The following ZNF544 variants were observed in gnomAD, a reference collection of about 807,000 sequenced individuals.
ZNF544 encodes zinc finger protein AF020591.
Under a neutral mutation model 13.5 loss-of-function variants are expected in ZNF544, and 10 were observed. The observed-to-expected ratio is 0.74, with a 90% CI of 0.46 to 1.25. The LOEUF (loss-of-function observed/expected upper bound fraction) is 1.25. Ranked by LOEUF, ZNF544 falls within the 50% of genes most tolerant of loss-of-function variation. The pLI is 0.00. For synonymous variants in ZNF544, 323 were observed against 300.5 expected, an observed-to-expected ratio of 1.07 and a Z score of -0.77; for missense variants, 896 against 845.6, an observed-to-expected ratio of 1.06 and a Z score of -0.74.
intron 6 of ZNF544, chr19:58,259,632 A>G (rs902567111): frequency 1.3e-5 from 2 of 152,262 alleles, no homozygotes; most frequent in African/African-American, 4.8e-5. Context: ...GTCTTCAGAT[A>G]TCTTCTGCTG....
intron 6 of ZNF544, among the ~76,000 whole-genome samples, chr19:58,250,778 G>GT (rs974813084): frequency 7.9e-5 from 12 of 152,146 alleles, no homozygotes; most frequent in Admixed American, 2.6e-4. Flanking sequence ...CGTAGTTCAT[G>GT]TTTTTTTCCC....
In ZNF544 at chr19:58,253,108, G is replaced by A. The variant is rs546507529; in HGVS notation, c.244+6314G>A. On this transcript the variant is annotated intron_variant, in intron 6 of 6. Transcript: ENST00000687789. ...GCTGGGATTATAGGCGTGAGCCACC[G>A]CACCCAACCCATAATCCTTTCTTAA... Among the ~76,000 whole-genome samples, 13 of 152,136 alleles carry A rather than the reference G, an allele frequency of 8.5e-5. No homozygotes were observed. In the South Asian group the frequency reaches 1.2e-3, roughly 15 times the overall value.
In ZNF544 at chr19:58,261,694, T is replaced by C. The variant is rs896526045; in HGVS notation, c.1088T>C (p.Phe363Ser). 8 of 1,614,122 alleles carry C rather than the reference T, an allele frequency of 5.0e-6. No individual in the cohort carries two copies. The highest frequency in any genetic ancestry group is 6.8e-6 in the Non-Finnish European group (8 of 1,180,060). The stretch of plus-strand genomic sequence containing the variant: ...GTGTGTAATCAGTGTGGAAAATCTT[T>C]CAGCTGTTGTAAGCTCATACACCAG... ...PSVCNQCGKSFSCCKLIHQRT... is the reference protein window; with the variant it reads ...PSVCNQCGKSSSCCKLIHQRT... Residue 363 changes from phenylalanine (F) to serine (S), a missense_variant, in exon 7 of 7, where the codon TTC (phenylalanine) becomes TCC (serine). Transcript: ENST00000687789.
chr19:58,243,598 G>A (rs977260451), intron 3 of ZNF544, among the ~76,000 whole-genome samples: 4 of 151,920 alleles, frequency 2.6e-5, no homozygotes, highest in Admixed American at 2.0e-4. Flanking sequence ...CATCCTCCTT[G>A]TCCCCACACC....
rs538044323 is a variant in ZNF544 at position 58,262,865 on chromosome 19, T to C, written c.*111T>C. ...AGTGTGACGTGTATTAAGCCAGCGG[T>C]TGTGACTCATTGAACATCAGAGGAC... is the stretch of plus-strand genomic sequence containing the variant. On this transcript the variant is annotated 3_prime_UTR_variant, in exon 7 of 7. Transcript: ENST00000687789. The C allele has an allele frequency of 3.8e-4, 577 of 1,502,352 alleles. 1 individual carries two copies. The highest frequency in any genetic ancestry group is 4.3e-4 in the Non-Finnish European group (484 of 1,130,794). The allele number at this position is 1,502,352 out of a possible 1,614,324, so 93.1% of individuals were successfully genotyped here.
intron 5 of ZNF544, among the ~76,000 whole-genome samples, chr19:58,269,419 A>C (rs555232718): frequency 6.7e-6 from 1 of 150,180 alleles, no homozygotes; most frequent in South Asian, 2.1e-4. Context: ...TTGGGCGACA[A>C]AGCGAGACTC....
chr19:58,236,411 C>T lies in ZNF544; in HGVS notation c.-60+5949C>T, dbSNP rs1019338960. 5.3e-5 allele frequency among the ~76,000 whole-genome samples: 8 copies of T among 150,514 alleles called. No homozygotes were observed. The East Asian group carries it at 1.2e-3, about 23-fold the overall frequency. ...TACTCGGAGGCTGAGGCAGGAGAATCGCTTGAACCCTGGAGGCGGAGGTTG... is the reference window on the plus strand; with the variant it reads ...TACTCGGAGGCTGAGGCAGGAGAATTGCTTGAACCCTGGAGGCGGAGGTTG... On this transcript the variant is annotated intron_variant, in intron 3 of 6. Coordinates refer to ENST00000687789, the MANE Select transcript of ZNF544 (RefSeq NM_014480.4).
At chr19:58,276,203 AACAC>A in intron 5 of ZNF544, 1 of 440,170 alleles carries the variant, frequency 2.3e-6, no homozygotes, top group Non-Finnish European at 3.7e-6. Flanking sequence ...ACAAAAAAAG[AACAC>A]ACAGGTTTCC....
chr19:58,249,992 T>C (rs979263504), intron 6 of ZNF544, among the ~76,000 whole-genome samples: 2 of 152,210 alleles, frequency 1.3e-5, no homozygotes, highest in African/African-American at 4.8e-5. Flanking sequence ...CATTTGTGTC[T>C]GGCAATTGCA....
chr19:58,231,073 A>G (rs568111768), intron 3 of ZNF544, among the ~76,000 whole-genome samples: 12 of 152,314 alleles, frequency 7.9e-5, no homozygotes, highest in Middle Eastern at 3.4e-3. Context: ...CCCAGAACTC[A>G]GAAACTAGCA....
Position 58,263,561 on chromosome 19 carries a change from A to C in ZNF544, c.*807A>C, listed in dbSNP as rs756634625. On this transcript the variant is annotated 3_prime_UTR_variant, in exon 7 of 7. Transcript: ENST00000687789. ...AGAGTGGGGCTTCATGACCATGTGCATCAGAATTGCCTGGAGTGTGCACTG... is the reference window on the plus strand; with the variant it reads ...AGAGTGGGGCTTCATGACCATGTGCCTCAGAATTGCCTGGAGTGTGCACTG... 6.1e-6 allele frequency: 6 copies of C among 985,474 alleles called. No homozygotes were observed. Among genetic ancestry groups the C allele is most frequent in the Non-Finnish European group, 6.0e-6 (5 of 829,942 alleles). 61.0% of individuals were successfully genotyped at this position (985,474 alleles called of 1,614,324 possible). A position where few individuals can be genotyped will look rare whatever the true frequency, so the allele number is the denominator to read the frequency against.
intron 4 of ZNF544, among the ~76,000 whole-genome samples, chr19:58,244,822 C>T (rs2044727381): frequency 6.6e-6 from 1 of 152,222 alleles, no homozygotes; most frequent in African/African-American, 2.4e-5. Flanking sequence ...AGAGATGCTT[C>T]AGCCTCGGCC....
chr19:58,260,947 C>T lies in ZNF544; in HGVS notation c.341C>T (p.Pro114Leu), dbSNP rs144943775. 7.9e-5 allele frequency: 127 copies of T among 1,614,072 alleles called. No individual in the cohort carries two copies. Among genetic ancestry groups the T allele is most frequent in the South Asian group, 3.6e-4 (33 of 91,072 alleles). The stretch of plus-strand genomic sequence containing the variant: ...CACGTGGAAGTGTACAGGAGTGGAC[C>T]GGAGGAGCCACCCTCTTTGGTATTA... ...SHHVEVYRSG[P>L]EEPPSLVLGK... The change falls in exon 7 of 7, where the codon CCG becomes CTG. Residue 114 changes from proline to leucine, a missense_variant. Physicochemically the swap from Pro to Leu is moderately conservative, Grantham distance 98. Transcript: ENST00000687789.
chr19:58,265,403 C>G (rs1401256444), downstream of ZNF544, among the ~76,000 whole-genome samples: 2 of 150,208 alleles, frequency 1.3e-5, no homozygotes, highest in Non-Finnish European at 2.9e-5. Flanking sequence ...TCACGCCACT[C>G]TCCTGCCTCA....
At chr19:58,274,253 G>T (rs1165825796) in intron 5 of ZNF544, among the ~76,000 whole-genome samples, 2 of 152,068 alleles carry the variant, frequency 1.3e-5, no homozygotes, top group Non-Finnish European at 2.9e-5. Context: ...ATATGTTGAA[G>T]TTCTAACCCA....
At chr19:58,253,311 C>T (rs1007474705) in intron 6 of ZNF544, among the ~76,000 whole-genome samples, 5 of 152,168 alleles carry the variant, frequency 3.3e-5, no homozygotes, top group Non-Finnish European at 7.3e-5. Flanking sequence ...AAAGTTATTT[C>T]CTTGTTAGCC....
At position 58,262,486 on chromosome 19, in the gene ZNF544, C is replaced by G. The variant is rs373029487; in HGVS notation, c.1880C>G (p.Thr627Ser). 6 of 1,614,072 alleles carry G rather than the reference C, an allele frequency of 3.7e-6. No individual in the cohort carries two copies. Among genetic ancestry groups the G allele is most frequent in the African/African-American group, 1.3e-5 (1 of 74,934 alleles). ...CTCATCAGGCATCTGCAAATTCACA[C>G]TGGGGAGAAGCCGTACAAATGCAAT... ...TQLIRHLQIH[T>S]GEKPYKCNQC... The change falls in exon 7 of 7, where the codon ACT becomes AGT. Residue 627 changes from threonine to serine, a missense_variant. Thr to Ser is a moderately conservative substitution (Grantham distance 58). Transcript: ENST00000687789.
intron 5 of ZNF544, among the ~76,000 whole-genome samples, chr19:58,273,146 A>T (rs2147909869): frequency 6.6e-6 from 1 of 151,778 alleles, no homozygotes; most frequent in Admixed American, 6.6e-5. Context: ...GCACCATTGT[A>T]CTCCAGCCTG....
At chr19:58,239,089 C>T (rs1223149774) in intron 3 of ZNF544, among the ~76,000 whole-genome samples, 1 of 152,250 alleles carries the variant, frequency 6.6e-6, no homozygotes, top group Non-Finnish European at 1.5e-5. Context: ...GGGCTGGGTG[C>T]TCTGTGGCTG....
Sources: gnomAD v4.1 joint callset for allele counts (sites outside exome capture counted in the v4.1 genomes callset) on GRCh38, gnomAD v4.1.1 for gene constraint, MANE v1.5 for transcripts, NCBI Gene and HGNC (gene_info 2026-07-23, HGNC 2026-07-21) for gene names.